CABP4: variants seen among roughly 807,000 people sequenced by gnomAD.
The protein encoded by CABP4 is calcium-binding protein 4.
CABP4 carries 30 observed loss-of-function variants against 30.7 expected under a neutral mutation model. The ratio of observed to expected loss-of-function variants is 0.98; its 90% CI spans 0.73 to 1.33. The LOEUF is 1.33. Ranked by LOEUF, CABP4 falls within the 40% of genes most tolerant of loss-of-function variation. The pLI, the probability that CABP4 is intolerant of heterozygous loss-of-function variation, is 0.00. For missense variants in CABP4, 424 were observed against 395.5 expected (o/e 1.07, Z -0.61); for synonymous variants, 161 against 159.2 (o/e 1.01, Z -0.08).
chr11:67,458,569 G>T, intron 5 of CABP4, 51 bp downstream of exon 5: 1 of 1,614,056 alleles, frequency 6.2e-7, no homozygotes, highest in Non-Finnish European at 8.5e-7. Flanking sequence ...CCTAGGCTGA[G>T]CCCAGCACCT....
At chr11:67,457,771 C>CT in intron 4 of CABP4, 89 bp downstream of exon 4, 1 of 1,109,766 alleles carries the variant, frequency 9.0e-7, no homozygotes, top group Non-Finnish European at 1.3e-6. Context: ...TTGGGAAGGC[C>CT]TAGAGCCCTG....
chr11:67,457,829 C>T (rs549985965), intron 4 of CABP4, 147 bp downstream of exon 4: 6 of 668,428 alleles, frequency 9.0e-6, no homozygotes, highest in South Asian at 3.7e-5. Flanking sequence ...TGGTTCAGAT[C>T]ACTACCAGCT....
upstream of CABP4, chr11:67,452,816 G>T: frequency 1.0e-6 from 1 of 996,136 alleles, no homozygotes; most frequent in Non-Finnish European, 1.5e-6. Flanking sequence ...ACGGTGCTGT[G>T]CATCTCCAGG....
chr11:67,457,791 G>A, intron 4 of CABP4, 109 bp downstream of exon 4: 1 of 872,922 alleles, frequency 1.1e-6, no homozygotes, highest in Non-Finnish European at 1.8e-6. Flanking sequence ...GCAGGCGGTG[G>A]GACTGGGGCC....
At chr11:67,452,670 C>T, upstream of CABP4, 5 of 1,608,754 alleles carry the variant, frequency 3.1e-6, no homozygotes, top group Non-Finnish European at 4.2e-6. Flanking sequence ...TCATCAAGCT[C>T]TGTGCGGGGC....
At position 67,461,533 on chromosome 11, in the gene CABP4, A is replaced by T. The variant is rs1468904373; in HGVS notation, c.*2874A>T. Among the ~76,000 whole-genome samples, 1 of 152,248 alleles carries T rather than the reference A, an allele frequency of 6.6e-6. No individual in the cohort carries two copies. The highest frequency in any genetic ancestry group is 6.5e-5 in the Admixed American group (1 of 15,272). The stretch of plus-strand genomic sequence containing the variant: ...AAGCAAATCTTATAAATAACTGGAG[A>T]GAAAAGTCAGATTCACGGTGTTCTG... On this transcript the variant is annotated 3_prime_UTR_variant, in exon 6 of 6. Transcript: ENST00000325656.
chr11:67,456,377 G>A lies in CABP4; in HGVS notation c.476G>A (p.Arg159Gln), dbSNP rs1031406409. ...ISHRELGDCM[R>Q]TLGYMPTEME... is the part of the protein sequence containing the mutation. ...CACCGGGAGCTGGGTGACTGCATGC[G>A]GACCCTGGGCTACATGCCCACCGAG... The change falls in exon 3 of 6, where the codon CGG becomes CAG. Residue 159 changes from arginine to glutamine, a missense_variant. Transcript: ENST00000325656. The A allele has an allele frequency of 1.2e-5, 19 of 1,610,552 alleles. No homozygotes were observed. In the East Asian group the frequency reaches 2.2e-4, roughly 19 times the overall value.
chr11:67,455,563 G>T lies in CABP4; in HGVS notation c.140G>T (p.Gly47Val). The T allele has an allele frequency of 6.2e-7, 1 of 1,602,248 alleles. No homozygotes were observed. Among genetic ancestry groups the T allele is most frequent in the Non-Finnish European group, 8.5e-7 (1 of 1,175,774 alleles). The part of the protein sequence containing the change: ...LTRKRSKKER[G>V]LRGSRKRTGS... ...AGGAAGAGGAGCAAGAAGGAGAGGG[G>T]GCTCCGAGGGTCTCGAAAGCGCACT... is the stretch of plus-strand genomic sequence containing the variant. Residue 47 changes from glycine (G) to valine (V), a missense_variant, in exon 1 of 6, where the codon GGG becomes GTG. Coordinates refer to ENST00000325656, the MANE Select transcript of CABP4 (RefSeq NM_145200.5).
At chr11:67,452,833 A>G, upstream of CABP4, 1 of 850,180 alleles carries the variant, frequency 1.2e-6, no homozygotes, top group Non-Finnish European at 1.8e-6. Context: ...CAGGCAAGTC[A>G]CCATCCCTCC....
upstream of CABP4, chr11:67,452,450 C>A: frequency 6.2e-7 from 1 of 1,612,436 alleles, no homozygotes; most frequent in Non-Finnish European, 8.5e-7. Context: ...TCCCCCATGC[C>A]GGATCTCTAG....
At position 67,458,463 on chromosome 11, in the gene CABP4, G is replaced by A. The variant is rs552024151; in HGVS notation, c.744G>A (p.Leu248=). Residue 248 remains leucine (L), a synonymous_variant, in exon 5 of 6, where the codon CTG becomes CTA. Coordinates refer to ENST00000325656, the MANE Select transcript of CABP4 (RefSeq NM_145200.5). ...LLGEPLAGPE[L]DEMLREVDLN... The stretch of plus-strand genomic sequence containing the variant: ...GGGAGCCGCTGGCGGGTCCTGAGCT[G>A]GACGAGATGCTCCGAGAAGTGGACC... 4.3e-6 allele frequency: 7 copies of A among 1,613,962 alleles called. No individual in the cohort carries two copies. In the South Asian group the frequency reaches 7.7e-5, roughly 18 times the overall value.
In CABP4 at chr11:67,458,724, C is replaced by A; in HGVS notation, c.*65C>A. 2.5e-6 allele frequency: 4 copies of A among 1,598,604 alleles called. No homozygotes were observed. The highest frequency in any genetic ancestry group is 3.4e-6 in the Non-Finnish European group (4 of 1,169,152). ...ACACCAGCCAGACCCAGGCTGCAGG[C>A]CTCCCCCAGGAGCCTCCAGGATGGA... On this transcript the variant is annotated 3_prime_UTR_variant, in exon 6 of 6. Coordinates refer to ENST00000325656, the MANE Select transcript of CABP4 (RefSeq NM_145200.5).
chr11:67,458,702 C>T lies in CABP4; in HGVS notation c.*43C>T, dbSNP rs560082251. 4 of 1,611,974 alleles carry T rather than the reference C, an allele frequency of 2.5e-6. No individual in the cohort carries two copies. In the African/African-American group the frequency reaches 5.3e-5, roughly 21 times the overall value. Reference sequence around the variant, plus strand: ...TCTGTTGCCCCTGCGGCCCCAGACACCAGCCAGACCCAGGCTGCAGGCCTC... The same window carrying T: ...TCTGTTGCCCCTGCGGCCCCAGACATCAGCCAGACCCAGGCTGCAGGCCTC... On this transcript the variant is annotated 3_prime_UTR_variant, in exon 6 of 6. Coordinates refer to ENST00000325656, the MANE Select transcript of CABP4 (RefSeq NM_145200.5).
At chr11:67,452,549 C>T (rs541740713), upstream of CABP4, 25 of 1,606,576 alleles carry the variant, frequency 1.6e-5, no homozygotes, top group South Asian at 5.5e-5. Flanking sequence ...AGCTCCATGC[C>T]GGGCCTGGGA....
chr11:67,458,190 C>T lies in CABP4; in HGVS notation c.652-181C>T, dbSNP rs186954794. 3.3e-5 allele frequency among the ~76,000 whole-genome samples: 5 copies of T among 152,104 alleles called. No homozygotes were observed. In the East Asian group the frequency reaches 9.7e-4, roughly 29 times the overall value. ...AGGAGAATCACTTGAACCCTGGAGG[C>T]GAAGGTTGCAGTGAGCCGAAATTGC... On this transcript the variant is annotated intron_variant, in intron 4 of 5. Coordinates refer to ENST00000325656, the MANE Select transcript of CABP4 (RefSeq NM_145200.5).
upstream of CABP4, chr11:67,452,795 G>C: frequency 8.2e-7 from 1 of 1,224,450 alleles, no homozygotes; most frequent in Non-Finnish European, 1.1e-6. Flanking sequence ...GAATGACCGA[G>C]TATGGGAGAG....
Position 67,457,565 on chromosome 11 carries a change from G to T in CABP4, c.542-8G>T. On this transcript the variant is annotated splice_region_variant and splice_polypyrimidine_tract_variant and intron_variant, in intron 3 of 5. Transcript: ENST00000325656. The stretch of plus-strand genomic sequence containing the variant: ...CTCACCATTGTGACACTCTTCCTGG[G>T]TCTGCAGTGGGCGGCCGTGTGGACT... 1 of 1,573,078 alleles carries T rather than the reference G, an allele frequency of 6.4e-7. No homozygotes were observed. The highest frequency in any genetic ancestry group is 1.2e-5 in the South Asian group (1 of 85,736).
rs1345348495 is a variant in CABP4, at chr11:67,456,454, AGCCC to A, written c.541+22_541+25del. 5 of 1,606,390 alleles carry A rather than the reference AGCCC, an allele frequency of 3.1e-6. No individual in the cohort carries two copies. Among genetic ancestry groups the A allele is most frequent in the Middle Eastern group, 3.3e-4 (2 of 6,074 alleles). On this transcript the variant is annotated intron_variant, in intron 3 of 5. Coordinates refer to ENST00000325656, the MANE Select transcript of CABP4 (RefSeq NM_145200.5). ...CATCAAGATGCGCAGTCAGTCAGGGAGCCCGCCCGCCCGGGCAGCCTGCGTAGTT... is the reference window on the plus strand; with the variant it reads ...CATCAAGATGCGCAGTCAGTCAGGGAGCCCGCCCGGGCAGCCTGCGTAGTT...
intron 3 of CABP4, among the ~76,000 whole-genome samples, chr11:67,457,065 T>C (rs552496797): frequency 6.6e-6 from 1 of 152,336 alleles, no homozygotes; most frequent in Admixed American, 6.5e-5. Context: ...GGACATTTGG[T>C]GTCATGCTTT....
Sources: allele counts gnomAD v4.1 joint callset (sites outside exome capture counted in the v4.1 genomes callset), GRCh38; gene constraint gnomAD v4.1.1; transcripts MANE v1.5; gene names NCBI Gene and HGNC (gene_info 2026-07-23, HGNC 2026-07-21).